Variants in BTBD8 observed in about 807,000 individuals in gnomAD.
BTBD8 encodes BTB domain containing 8.
BTBD8 carries 110 observed loss-of-function variants against 162.9 expected under a neutral mutation model. The ratio of observed to expected loss-of-function variants is 0.68; its 90% CI spans 0.58 to 0.79. The LOEUF (loss-of-function observed/expected upper bound fraction) is 0.79. BTBD8 is among the 30% of genes least tolerant of loss of function. BTBD8 has a pLI of 0.00. For synonymous variants in BTBD8, 667 were observed against 716.1 expected, an observed-to-expected ratio of 0.93 and a Z score of 1.10; for missense variants, 1,905 against 2,085.4, an observed-to-expected ratio of 0.91 and a Z score of 1.68.
At chr1:92,128,578 A>AT (rs1208659836) in intron 4 of BTBD8, among the ~76,000 whole-genome samples, 3 of 148,064 alleles carry the variant, frequency 2.0e-5, no homozygotes, top group Non-Finnish European at 3.0e-5. Flanking sequence ...GCGCCCGGCC[A>AT]TTTTTTTGTA....
intron 9 of BTBD8, among the ~76,000 whole-genome samples, chr1:92,166,107 T>C (rs1453728484): frequency 6.6e-6 from 1 of 152,190 alleles, no homozygotes; most frequent in Non-Finnish European, 1.5e-5. Flanking sequence ...GAGATCAATA[T>C]TTGTGAATGT....
chr1:92,124,147 T>A (rs1294650692), intron 4 of BTBD8, among the ~76,000 whole-genome samples: 1 of 152,256 alleles, frequency 6.6e-6, no homozygotes, highest in East Asian at 1.9e-4. Flanking sequence ...ATTGCCTCAA[T>A]GGAAAAAGTT....
chr1:92,151,218 G>A lies in BTBD8; in HGVS notation c.1122+3432G>A, dbSNP rs906781709. On this transcript the variant is annotated intron_variant, in intron 9 of 17. Coordinates refer to ENST00000636805, the MANE Select transcript of BTBD8 (RefSeq NM_001376131.1). Reference sequence around the variant, plus strand: ...AAATACAAAAAATTAGCTGGGCCTGGTGGTGCATGCCTGTAATCCCAGCTA... The same window carrying A: ...AAATACAAAAAATTAGCTGGGCCTGATGGTGCATGCCTGTAATCCCAGCTA... 2.0e-5 allele frequency among the ~76,000 whole-genome samples: 3 copies of A among 152,064 alleles called. No homozygotes were observed. In the East Asian group the frequency reaches 5.8e-4, roughly 29 times the overall value.
intron 1 of BTBD8, among the ~76,000 whole-genome samples, chr1:92,081,903 C>T (rs986444507): frequency 1.3e-5 from 2 of 152,054 alleles, no homozygotes; most frequent in Non-Finnish European, 2.9e-5. Context: ...TGCTTTCTGT[C>T]AAAAACTCAC....
At position 92,182,090 on chromosome 1, in the gene BTBD8, T is replaced by G; in HGVS notation, c.4407T>G (p.Ser1469=). The change falls in exon 17 of 18, where the codon TCT becomes TCG. Residue 1469 remains serine (S), a synonymous_variant. Transcript: ENST00000636805. The part of the protein sequence containing the change: ...FQASVDSFSP[S]DVFDGISHEH... Reference sequence around the variant, plus strand: ...CTTCTGTAGATTCTTTTTCACCTTCTGATGTTTTTGATGGCATTTCTCATG... The same window carrying G: ...CTTCTGTAGATTCTTTTTCACCTTCGGATGTTTTTGATGGCATTTCTCATG... 6.4e-7 allele frequency: 1 copy of G among 1,551,636 alleles called. No homozygotes were observed. The highest frequency in any genetic ancestry group is 8.7e-7 in the Non-Finnish European group (1 of 1,146,952).
chr1:92,113,616 A>G (rs553040590), intron 4 of BTBD8, among the ~76,000 whole-genome samples: 1 of 152,328 alleles, frequency 6.6e-6, no homozygotes, highest in East Asian at 1.9e-4. Flanking sequence ...TGCTGGCCTC[A>G]GTCATTGTCA....
intron 13 of BTBD8, among the ~76,000 whole-genome samples, chr1:92,174,023 A>T (rs1488700186): frequency 1.3e-5 from 2 of 152,166 alleles, no homozygotes; most frequent in Non-Finnish European, 2.9e-5. Context: ...GCTTAGTACC[A>T]AAATACTTAA....
At chr1:92,101,039 A>G (rs1648578475) in intron 2 of BTBD8, among the ~76,000 whole-genome samples, 1 of 152,174 alleles carries the variant, frequency 6.6e-6, no homozygotes, top group Admixed American at 6.5e-5. Context: ...AGCAGTATAC[A>G]GTGTATCCAA....
intron 11 of BTBD8, among the ~76,000 whole-genome samples, chr1:92,168,542 A>G (rs1650446523): frequency 6.6e-6 from 1 of 152,194 alleles, no homozygotes; most frequent in Non-Finnish European, 1.5e-5. Context: ...TTTAAAATGT[A>G]TCATATTTAT....
rs964365459 is a variant in BTBD8, at chr1:92,167,260, A to G, written c.1305+120A>G. The G allele has an allele frequency of 2.4e-6, 3 of 1,231,454 alleles. No individual in the cohort carries two copies. In the African/African-American group the frequency reaches 4.6e-5, roughly 19 times the overall value. The allele number at this position is 1,231,454 out of a possible 1,614,324, so 76.3% of individuals were successfully genotyped here. A position where few individuals can be genotyped will look rare whatever the true frequency, so the allele number is the denominator to read the frequency against. On this transcript the variant is annotated intron_variant, in intron 10 of 17. Coordinates refer to ENST00000636805, the MANE Select transcript of BTBD8 (RefSeq NM_001376131.1). ...AATTAATGTGATTTAAATAAACTCC[A>G]TAGCAGATGGCATGTTTACATAGGA...
intron 4 of BTBD8, among the ~76,000 whole-genome samples, chr1:92,124,015 G>C (rs1649283921): frequency 6.6e-6 from 1 of 152,112 alleles, no homozygotes; most frequent in South Asian, 2.1e-4. Context: ...CTGAAATCCT[G>C]GGTTATCTAC....
At chr1:92,164,132 T>G (rs926243665) in intron 9 of BTBD8, among the ~76,000 whole-genome samples, 2 of 152,192 alleles carry the variant, frequency 1.3e-5, no homozygotes, top group Non-Finnish European at 2.9e-5. Flanking sequence ...TTAGACGAAT[T>G]ATAGCAAAGT....
At position 92,184,397 on chromosome 1, in the gene BTBD8, A is replaced by G. The variant is rs1485862488; in HGVS notation, c.*67A>G. The stretch of plus-strand genomic sequence containing the variant: ...TTGATGCCTATATTATATCCAAATG[A>G]TAATTGCATTAGCCGGATATAAACT... On this transcript the variant is annotated 3_prime_UTR_variant, in exon 18 of 18. Coordinates refer to ENST00000636805, the MANE Select transcript of BTBD8 (RefSeq NM_001376131.1). 1 of 943,774 alleles carries G rather than the reference A, an allele frequency of 1.1e-6. No homozygotes were observed. Among genetic ancestry groups the G allele is most frequent in the Non-Finnish European group, 1.6e-6 (1 of 640,234 alleles). 58.5% of individuals were successfully genotyped at this position (943,774 alleles called of 1,614,324 possible).
intron 5 of BTBD8, among the ~76,000 whole-genome samples, chr1:92,138,286 A>G (rs1302550833): frequency 6.6e-6 from 1 of 152,234 alleles, no homozygotes; most frequent in Non-Finnish European, 1.5e-5. Context: ...TTATAGCCTG[A>G]AGGCAATTTT....
rs1389173336 is a variant in BTBD8 at position 92,178,350 on chromosome 1, C to CAGT, written c.2482_2484dup (p.Val828dup). On this transcript the variant is annotated inframe_insertion, in exon 16 of 18. Coordinates refer to ENST00000636805, the MANE Select transcript of BTBD8 (RefSeq NM_001376131.1). ...GTCAGTGGCAAAGGATGTAGTGAGC[C>CAGT]AGTACCACAGGCAATTTTGAAGAAA... 1.3e-6 allele frequency: 2 copies of CAGT among 1,551,316 alleles called. No homozygotes were observed. Among genetic ancestry groups the CAGT allele is most frequent in the African/African-American group, 1.4e-5 (1 of 72,994 alleles).
intron 11 of BTBD8, 33 bp from the exon 12 acceptor site, chr1:92,168,833 C>T: frequency 6.7e-7 from 1 of 1,485,716 alleles, no homozygotes; most frequent in Non-Finnish European, 9.1e-7. Flanking sequence ...CAATGTGGCT[C>T]TCACCAGCTG....
At chr1:92,085,892 C>T (rs1648146916) in intron 1 of BTBD8, among the ~76,000 whole-genome samples, 1 of 152,058 alleles carries the variant, frequency 6.6e-6, no homozygotes, top group African/African-American at 2.4e-5. Context: ...AATGAGACGA[C>T]ATAAAGTGGG....
At position 92,176,981 on chromosome 1, in the gene BTBD8, T is replaced by C; in HGVS notation, c.1788T>C (p.Asn596=). ...ASGHSSSTNR[N]SINKTLKQDD... is the part of the protein sequence containing the mutation. ...GACATTCGTCAAGTACCAATAGAAATAGTATAAATAAAACTCTGAAGCAAG... is the reference window on the plus strand; with the variant it reads ...GACATTCGTCAAGTACCAATAGAAACAGTATAAATAAAACTCTGAAGCAAG... Residue 596 remains asparagine (N), a synonymous_variant, in exon 14 of 18, where the codon AAT becomes AAC. Coordinates refer to ENST00000636805, the MANE Select transcript of BTBD8 (RefSeq NM_001376131.1). The C allele has an allele frequency of 1.3e-6, 2 of 1,547,086 alleles. No homozygotes were observed. The highest frequency in any genetic ancestry group is 8.7e-7 in the Non-Finnish European group (1 of 1,145,092).
intron 9 of BTBD8, among the ~76,000 whole-genome samples, chr1:92,152,822 A>T (rs2100646050): frequency 6.6e-6 from 1 of 152,302 alleles, no homozygotes; most frequent in Non-Finnish European, 1.5e-5. Flanking sequence ...TTCAAGACAG[A>T]TAAAAAGATA....
Sources: allele counts gnomAD v4.1 joint callset (sites outside exome capture counted in the v4.1 genomes callset), GRCh38; gene constraint gnomAD v4.1.1; transcripts MANE v1.5; gene names NCBI Gene and HGNC (gene_info 2026-07-23, HGNC 2026-07-21).